The following NRG4 variants were observed in gnomAD, a reference collection of about 807,000 sequenced individuals.
NRG4 encodes pro-neuregulin-4, membrane-bound isoform.
In NRG4, 10 loss-of-function variants were observed where a neutral mutation model predicts 15.0. The ratio of observed to expected loss-of-function variants is 0.67; its 90% CI spans 0.41 to 1.13. The LOEUF is 1.13. Among genes scored for constraint, NRG4 ranks in the 50% most tolerant of loss-of-function variants. The pLI, the probability that NRG4 is intolerant of heterozygous loss-of-function variation, is 0.00. For missense variants in NRG4, 139 were observed against 140.2 expected (o/e 0.99, Z 0.04); for synonymous variants, 41 against 50.1 (o/e 0.82, Z 0.77).
chr15:75,938,428 A>G (rs994370268), downstream of NRG4: 8 of 152,230 alleles, frequency 5.3e-5, no homozygotes, highest in African/African-American at 1.9e-4. Context: ...TGCGCATTCA[A>G]AAGATCAAAA....
intron 3 of NRG4, among the ~76,000 whole-genome samples, chr15:75,972,474 G>A (rs550413808): frequency 6.6e-6 from 1 of 152,252 alleles, no homozygotes; most frequent in South Asian, 2.1e-4. Context: ...TATTGCCTAG[G>A]TTTTCTTCTA....
At chr15:76,019,854 C>T (rs1051507356) in intron 5 of NRG4, among the ~76,000 whole-genome samples, 1 of 152,180 alleles carries the variant, frequency 6.6e-6, no homozygotes, top group African/African-American at 2.4e-5. Context: ...TTTTACATAG[C>T]TATAACCATT....
chr15:75,976,354 T>C (rs58954519), intron 3 of NRG4, among the ~76,000 whole-genome samples: 3,241 of 152,314 alleles, frequency 0.021, 139 homozygotes, highest in African/African-American at 0.075. Flanking sequence ...GTCAAACTCA[T>C]TCTCCATCCA....
At chr15:75,992,120 T>C (rs1443967922) in intron 3 of NRG4, among the ~76,000 whole-genome samples, 1 of 152,132 alleles carries the variant, frequency 6.6e-6, no homozygotes, top group Non-Finnish European at 1.5e-5. Context: ...ATGCAGACAT[T>C]TTACAACTAT....
chr15:75,969,951 A>G (rs2033015985), intron 3 of NRG4, among the ~76,000 whole-genome samples: 1 of 152,242 alleles, frequency 6.6e-6, no homozygotes, highest in Non-Finnish European at 1.5e-5. Context: ...GTTTAAAAGC[A>G]TATGGTATGG....
intron 4 of NRG4, among the ~76,000 whole-genome samples, chr15:76,044,370 G>T (rs1391415013): frequency 1.3e-5 from 2 of 150,596 alleles, no homozygotes; most frequent in East Asian, 3.9e-4. Flanking sequence ...TCAATAAATG[G>T]TGCTGGGAAA....
chr15:76,022,104 C>A (rs952793296), intron 5 of NRG4, among the ~76,000 whole-genome samples: 1 of 152,180 alleles, frequency 6.6e-6, no homozygotes, highest in Non-Finnish European at 1.5e-5. Context: ...TGCTGCTCAC[C>A]TGCTGTGTGG....
Position 75,942,689 on chromosome 15 carries a change from A to C in NRG4, c.*949T>G, listed in dbSNP as rs2031123429. 6.6e-6 allele frequency: 1 copy of C among 152,266 alleles called. No individual in the cohort carries two copies. 9.4% of individuals were successfully genotyped at this position (152,266 alleles called of 1,614,324 possible). On this transcript the variant is annotated 3_prime_UTR_variant, in exon 6 of 6. Transcript: ENST00000394907. ...AGCGTGCATCCCAGCCTTGACGAGG[A>C]CATAGTTCAGAGACAGGCTGTTAGG...
intron 3 of NRG4, among the ~76,000 whole-genome samples, chr15:75,989,448 T>C (rs1440536440): frequency 6.6e-6 from 1 of 152,146 alleles, no homozygotes; most frequent in Non-Finnish European, 1.5e-5. Context: ...TTCTGCCCTC[T>C]CATCTTTCTG....
downstream of NRG4, chr15:75,940,545 A>C (rs1466721029): frequency 6.6e-6 from 1 of 151,806 alleles, no homozygotes; most frequent in East Asian, 1.9e-4. Context: ...CAGTCTTGAG[A>C]AAGAAGAACA....
intron 5 of NRG4, among the ~76,000 whole-genome samples, chr15:76,020,420 T>G (rs1210276038): frequency 6.6e-6 from 1 of 152,174 alleles, no homozygotes; most frequent in East Asian, 1.9e-4. Flanking sequence ...ACACAAATGA[T>G]AAAATGAAAC....
chr15:76,020,145 T>G (rs1312052200), intron 5 of NRG4, among the ~76,000 whole-genome samples: 1 of 152,190 alleles, frequency 6.6e-6, no homozygotes, highest in African/African-American at 2.4e-5. Flanking sequence ...ACTTAATCGA[T>G]AAATCTGCAT....
At chr15:75,998,841 A>G (rs980159069) in intron 3 of NRG4, among the ~76,000 whole-genome samples, 2 of 152,218 alleles carry the variant, frequency 1.3e-5, no homozygotes, top group African/African-American at 2.4e-5. Context: ...AAGAAGATTC[A>G]GCATCATAAA....
At chr15:76,049,432 C>T (rs1452114684) in intron 4 of NRG4, among the ~76,000 whole-genome samples, 1 of 150,674 alleles carries the variant, frequency 6.6e-6, no homozygotes, top group East Asian at 1.9e-4. Flanking sequence ...CCCTCCCATC[C>T]TCACTCTCAA....
chr15:76,050,121 C>A (rs62027649), intron 4 of NRG4, among the ~76,000 whole-genome samples: 35,599 of 150,498 alleles, frequency 0.24, 5,585 homozygotes, highest in Non-Finnish European at 0.32. Context: ...TAGCCTTAGA[C>A]ATAAATAACT....
At chr15:75,975,835 G>T (rs1003360309) in intron 3 of NRG4, among the ~76,000 whole-genome samples, 1 of 151,640 alleles carries the variant, frequency 6.6e-6, no homozygotes, top group Non-Finnish European at 1.5e-5. Flanking sequence ...TGTGTCTTGG[G>T]GTTGCTCTTC....
chr15:76,050,421 GTCACCCCGAGCCTTCGTTTTTTTTTTTT>G (rs1397356531), intron 4 of NRG4, among the ~76,000 whole-genome samples: 1 of 140,882 alleles, frequency 7.1e-6, no homozygotes, highest in Admixed American at 7.0e-5. Flanking sequence ...AAGCATTATT[GTCACCCCGAGCCTTCGTTTTTTTTTTTT>G]TTTTTTTTTT....
chr15:75,947,924 T>G (rs554243703), intron 5 of NRG4, among the ~76,000 whole-genome samples: 1 of 152,358 alleles, frequency 6.6e-6, no homozygotes, highest in African/African-American at 2.4e-5. Flanking sequence ...GAGTATCTTT[T>G]TTCATGTGCT....
In NRG4 at chr15:75,943,028, A is replaced by ATCTT. The variant is rs1330982027; in HGVS notation, c.*606_*609dup. The ATCTT allele has an allele frequency of 3.3e-5, 5 of 152,242 alleles. No individual in the cohort carries two copies. Among genetic ancestry groups the ATCTT allele is most frequent in the African/African-American group, 1.2e-4 (5 of 41,458 alleles). The allele number at this position is 152,242 out of a possible 1,614,324, so 9.4% of individuals were successfully genotyped here. A position where few individuals can be genotyped will look rare whatever the true frequency, so the allele number is the denominator to read the frequency against. On this transcript the variant is annotated 3_prime_UTR_variant, in exon 6 of 6. Transcript: ENST00000394907. ...AGTTACTTGCACCTAGAATTAGTCAATCTTTTGCAGTCAAAATTTTGGGTT... is the reference window on the plus strand; with the variant it reads ...AGTTACTTGCACCTAGAATTAGTCAATCTTTCTTTTGCAGTCAAAATTTTGGGTT...
Sources: gnomAD v4.1 joint callset for allele counts (sites outside exome capture counted in the v4.1 genomes callset) on GRCh38, gnomAD v4.1.1 for gene constraint, MANE v1.5 for transcripts, NCBI Gene and HGNC (gene_info 2026-07-23, HGNC 2026-07-21) for gene names.